The following UBL3 variants were observed in gnomAD, a reference collection of about 807,000 sequenced individuals.
UBL3 encodes ubiquitin-like protein 3.
A neutral mutation model predicts 18.4 loss-of-function variants in UBL3; 6 were observed. The observed-to-expected ratio is 0.33, with a 90% CI of 0.18 to 0.64. UBL3 has a LOEUF of 0.64. Ranked by LOEUF, UBL3 falls within the 30% of genes least tolerant of loss-of-function variation. The pLI is 0.76. For synonymous variants in UBL3, 49 were observed against 46.6 expected, an observed-to-expected ratio of 1.05 and a Z score of -0.21; for missense variants, 109 against 142.9, an observed-to-expected ratio of 0.76 and a Z score of 1.21.
At chr13:29,831,093 A>G (rs1878759386) in intron 1 of UBL3, among the ~76,000 whole-genome samples, 1 of 151,630 alleles carries the variant, frequency 6.6e-6, no homozygotes, top group Non-Finnish European at 1.5e-5. Flanking sequence ...TTTCCCAAAT[A>G]GAGGGGTTGT....
rs371352907 is a variant in UBL3, at chr13:29,848,841, A to G, written c.27+671T>C. 6.8e-4 allele frequency among the ~76,000 whole-genome samples: 103 copies of G among 152,312 alleles called. 2 individuals carry two copies. The highest frequency in any genetic ancestry group is 3.4e-3 in the Middle Eastern group (1 of 294). ...CACTCAGTGATCGAGGCTCAATACT[A>G]TGTTTCCTTAGCTTTATGTCTAATA... On this transcript the variant is annotated intron_variant, in intron 1 of 4. Coordinates refer to ENST00000380680, the MANE Select transcript of UBL3 (RefSeq NM_007106.4).
At chr13:29,798,997 G>A (rs1247757857) in intron 1 of UBL3, among the ~76,000 whole-genome samples, 3 of 152,166 alleles carry the variant, frequency 2.0e-5, no homozygotes, top group Non-Finnish European at 4.4e-5. Flanking sequence ...CTTGCCAAAG[G>A]TAAGTGGGAA....
chr13:29,812,963 A>G (rs971592192), intron 1 of UBL3, among the ~76,000 whole-genome samples: 4 of 152,072 alleles, frequency 2.6e-5, no homozygotes, highest in African/African-American at 9.7e-5. Context: ...TTAAAATTAC[A>G]TATGTTGTGT....
chr13:29,817,034 C>T (rs1434174157), intron 1 of UBL3, among the ~76,000 whole-genome samples: 5 of 152,160 alleles, frequency 3.3e-5, no homozygotes, highest in Non-Finnish European at 7.3e-5. Flanking sequence ...AAAACCATGG[C>T]AGTGCTGCCA....
chr13:29,820,531 C>T (rs773228428), intron 1 of UBL3, among the ~76,000 whole-genome samples: 8 of 152,094 alleles, frequency 5.3e-5, no homozygotes, highest in African/African-American at 7.2e-5. Flanking sequence ...TTAGGATACT[C>T]CCCAGATTCC....
In UBL3 at chr13:29,850,163, C is replaced by G. The variant is rs1337864825; in HGVS notation, c.-625G>C. ...AAGAGCCGGGCCGCGGAAACCCGCG[C>G]TCAAGGGCATTTAACTAGTTGGAAG... is the stretch of plus-strand genomic sequence containing the variant. On this transcript the variant is annotated 5_prime_UTR_variant, in exon 1 of 5. Transcript: ENST00000380680. 6.6e-6 allele frequency: 1 copy of G among 152,486 alleles called. No homozygotes were observed. Among genetic ancestry groups the G allele is most frequent in the African/African-American group, 2.4e-5 (1 of 41,448 alleles). The allele number at this position is 152,486 out of a possible 1,614,324, so 9.4% of individuals were successfully genotyped here.
chr13:29,803,325 T>A (rs1410181118), intron 1 of UBL3, among the ~76,000 whole-genome samples: 5 of 151,546 alleles, frequency 3.3e-5, no homozygotes, highest in Admixed American at 6.6e-5. Context: ...AAGTACATAC[T>A]AAAAAAACAA....
intron 1 of UBL3, among the ~76,000 whole-genome samples, chr13:29,848,084 T>A (rs1008912033): frequency 6.6e-6 from 1 of 152,120 alleles, no homozygotes; most frequent in African/African-American, 2.4e-5. Flanking sequence ...TTAGAATCAT[T>A]TAATTTTTGT....
At chr13:29,811,344 C>T (rs1195252195) in intron 1 of UBL3, among the ~76,000 whole-genome samples, 1 of 152,030 alleles carries the variant, frequency 6.6e-6, no homozygotes, top group East Asian at 1.9e-4. Flanking sequence ...TTGATACATG[C>T]CATGTTTGTT....
At chr13:29,815,302 G>A (rs35083259) in intron 1 of UBL3, among the ~76,000 whole-genome samples, 4 of 152,036 alleles carry the variant, frequency 2.6e-5, no homozygotes, top group African/African-American at 7.2e-5. Context: ...ATGGGTGTGT[G>A]GGGGGGAGAA....
chr13:29,841,905 T>C (rs1053493758), intron 1 of UBL3, among the ~76,000 whole-genome samples: 2 of 152,178 alleles, frequency 1.3e-5, no homozygotes, highest in African/African-American at 4.8e-5. Flanking sequence ...GTTTTTCCTA[T>C]GGCCACACTG....
At chr13:29,807,982 G>A (rs1593663768) in intron 1 of UBL3, among the ~76,000 whole-genome samples, 1 of 152,034 alleles carries the variant, frequency 6.6e-6, no homozygotes, top group Middle Eastern at 3.4e-3. Context: ...CTTTGTAGTG[G>A]GTAAAAACCA....
At position 29,850,463 on chromosome 13, in the gene UBL3, CCTT is replaced by C. The variant is rs918563656; in HGVS notation, c.-928_-926del. 8 of 152,988 alleles carry C rather than the reference CCTT, an allele frequency of 5.2e-5. No homozygotes were observed. The highest frequency in any genetic ancestry group is 1.9e-4 in the African/African-American group (8 of 41,464). 9.5% of individuals were successfully genotyped at this position (152,988 alleles called of 1,614,324 possible). A position where few individuals can be genotyped will look rare whatever the true frequency, so the allele number is the denominator to read the frequency against. ...TGGTCCCCGGAAGAGGCCGGGTCCT[CCTT>C]CTCCTCAGCCCGGGAATGGTTTCCT... On this transcript the variant is annotated 5_prime_UTR_variant, in exon 1 of 5. Transcript: ENST00000380680.
At chr13:29,813,325 C>G (rs561627572) in intron 1 of UBL3, among the ~76,000 whole-genome samples, 21 of 152,138 alleles carry the variant, frequency 1.4e-4, no homozygotes, top group African/African-American at 5.1e-4. Flanking sequence ...TTCATTTTCT[C>G]TTTGCTCAGA....
At chr13:29,795,097 T>C (rs1877574774) in intron 1 of UBL3, among the ~76,000 whole-genome samples, 1 of 152,244 alleles carries the variant, frequency 6.6e-6, no homozygotes. Flanking sequence ...TGAATGGAGT[T>C]AGTGATTTTG....
At chr13:29,812,610 G>A (rs184711082) in intron 1 of UBL3, among the ~76,000 whole-genome samples, 19 of 151,940 alleles carry the variant, frequency 1.3e-4, no homozygotes, top group Non-Finnish European at 2.6e-4. Context: ...TACAGCTATT[G>A]AGCACTTGAA....
At position 29,764,683 on chromosome 13, in the gene UBL3, C is replaced by G. The variant is rs1876617920; in HGVS notation, c.*2572G>C. ...GCTTGGCCTTGTCCAGAACACTTAA[C>G]AAAGTTCAGGACAATTTAGGTAAAA... On this transcript the variant is annotated 3_prime_UTR_variant, in exon 5 of 5. Coordinates refer to ENST00000380680, the MANE Select transcript of UBL3 (RefSeq NM_007106.4). The G allele has an allele frequency of 6.6e-6, 1 of 152,148 alleles. No homozygotes were observed. The highest frequency in any genetic ancestry group is 2.4e-5 in the African/African-American group (1 of 41,434). The allele number at this position is 152,148 out of a possible 1,614,324, so 9.4% of individuals were successfully genotyped here.
chr13:29,779,196 C>G (rs1247208746), intron 1 of UBL3: 3 of 499,040 alleles, frequency 6.0e-6, no homozygotes, highest in South Asian at 1.5e-5. Context: ...ATTCTTCAAG[C>G]AAGGAACCTA....
chr13:29,802,797 A>T (rs984493611), intron 1 of UBL3, among the ~76,000 whole-genome samples: 5 of 152,220 alleles, frequency 3.3e-5, no homozygotes, highest in African/African-American at 1.2e-4. Context: ...TGAGAAATAC[A>T]GGGTTATGAA....
Sources: gnomAD v4.1 joint callset for allele counts (sites outside exome capture counted in the v4.1 genomes callset) on GRCh38, gnomAD v4.1.1 for gene constraint, MANE v1.5 for transcripts, NCBI Gene and HGNC (gene_info 2026-07-23, HGNC 2026-07-21) for gene names.